PFKP: variants seen among roughly 807,000 people sequenced by gnomAD.
The protein encoded by PFKP is phosphofructokinase, platelet, also known as ATP-dependent 6-phosphofructokinase, platelet type.
A neutral mutation model predicts 94.3 loss-of-function variants in PFKP; 101 were observed. The ratio of observed to expected loss-of-function variants is 1.07; its 90% CI spans 0.91 to 1.26. The LOEUF (loss-of-function observed/expected upper bound fraction) is 1.26. Among genes scored for constraint, PFKP ranks in the 50% most tolerant of loss-of-function variants. The pLI is 0.00. For missense variants in PFKP, 1,145 were observed against 1,103.3 expected (o/e 1.04, Z -0.53); for synonymous variants, 573 against 432.6 (o/e 1.32, Z -4.03).
intron 2 of PFKP, among the ~76,000 whole-genome samples, chr10:3,094,654 T>C (rs1320492941): frequency 6.6e-6 from 1 of 152,186 alleles, no homozygotes; most frequent in African/African-American, 2.4e-5. Flanking sequence ...TCCTGGCCTT[T>C]GAAAACCATT....
chr10:3,088,659 T>C (rs1276183895), intron 2 of PFKP, among the ~76,000 whole-genome samples: 1 of 152,238 alleles, frequency 6.6e-6, no homozygotes, highest in Non-Finnish European at 1.5e-5. Context: ...TTAATTATTA[T>C]GGATACATAA....
intron 3 of PFKP, 103 bp downstream of exon 3, chr10:3,099,455 T>C: frequency 1.1e-6 from 1 of 885,244 alleles, no homozygotes; most frequent in Non-Finnish European, 1.9e-6. Context: ...GAAATAGAGA[T>C]TATGTGGACA....
chr10:3,108,670 T>A (rs1449300969), intron 8 of PFKP, 31 bp from the exon 9 acceptor site: 2 of 1,562,622 alleles, frequency 1.3e-6, no homozygotes, highest in East Asian at 4.5e-5. Flanking sequence ...CGCATCACAG[T>A]TCCGCATCCT....
intron 2 of PFKP, among the ~76,000 whole-genome samples, chr10:3,092,873 G>A (rs978277675): frequency 6.6e-6 from 1 of 152,148 alleles, no homozygotes; most frequent in South Asian, 2.1e-4. Context: ...CTGAGGAAAG[G>A]GGTGTGGGGG....
chr10:3,102,607 T>A (rs1180785353), intron 4 of PFKP, among the ~76,000 whole-genome samples: 1 of 152,180 alleles, frequency 6.6e-6, no homozygotes, highest in African/African-American at 2.4e-5. Context: ...TTATTTTTTA[T>A]TTTTAGTAGA....
Position 3,112,847 on chromosome 10 carries a change from C to A in PFKP, c.1155-272C>A, listed in dbSNP as rs144254875. On this transcript the variant is annotated intron_variant, in intron 11 of 21. Transcript: ENST00000381125. ...CCTCCCAAAGTGCTGGGATTACAGG[C>A]TTGAGCCACCGCACGCATGTCTTGC... Among the ~76,000 whole-genome samples, 1,077 of 152,376 alleles carry A rather than the reference C, an allele frequency of 7.1e-3. 13 individuals carry two copies. Among genetic ancestry groups the A allele is most frequent in the African/African-American group, 0.025 (1,020 of 41,586 alleles).
intron 13 of PFKP, among the ~76,000 whole-genome samples, chr10:3,113,987 TCA>T (rs1836532299): frequency 6.6e-6 from 1 of 152,118 alleles, no homozygotes; most frequent in Non-Finnish European, 1.5e-5. Context: ...CATTTAAGCC[TCA>T]CACTAAATCT....
In PFKP at chr10:3,082,370, C is replaced by G. The variant is rs780256384; in HGVS notation, c.113-18C>G. Reference sequence around the variant, plus strand: ...ACCCCGGGCTCTTCAGTGACTCTTGCTCCTGTTTCCACTGCAGGTATGAAC... The same window carrying G: ...ACCCCGGGCTCTTCAGTGACTCTTGGTCCTGTTTCCACTGCAGGTATGAAC... On this transcript the variant is annotated intron_variant, in intron 1 of 21. Transcript: ENST00000381125. The G allele has an allele frequency of 3.8e-6, 6 of 1,597,612 alleles. No homozygotes were observed. Among genetic ancestry groups the G allele is most frequent in the Non-Finnish European group, 5.1e-6 (6 of 1,168,728 alleles).
intron 2 of PFKP, among the ~76,000 whole-genome samples, chr10:3,086,291 C>T (rs1833592623): frequency 6.6e-6 from 1 of 152,182 alleles, no homozygotes; most frequent in African/African-American, 2.4e-5. Context: ...TGAACACTCA[C>T]AGGGACTCTG....
At chr10:3,100,704 A>C (rs1250632977) in intron 3 of PFKP, among the ~76,000 whole-genome samples, 5 of 152,118 alleles carry the variant, frequency 3.3e-5, no homozygotes, top group East Asian at 1.9e-4. Context: ...TCATGGTTTT[A>C]TTTAAAGAAA....
chr10:3,110,970 ATG>A (rs969006849), intron 10 of PFKP, among the ~76,000 whole-genome samples: 6 of 150,604 alleles, frequency 4.0e-5, no homozygotes, highest in African/African-American at 7.4e-5. Context: ...GTGTGTGTGC[ATG>A]TGTGTATATG....
intron 1 of PFKP, among the ~76,000 whole-genome samples, chr10:3,074,006 C>CT (rs1564258297): frequency 6.6e-6 from 1 of 152,066 alleles, no homozygotes. Context: ...CTCACCTGAT[C>CT]TTTTTTGTAT....
At chr10:3,078,966 C>A (rs976215257) in intron 1 of PFKP, among the ~76,000 whole-genome samples, 8 of 152,162 alleles carry the variant, frequency 5.3e-5, no homozygotes, top group African/African-American at 9.7e-5. Flanking sequence ...AAGTGTGGTG[C>A]CCCCATCACC....
At position 3,129,779 on chromosome 10, in the gene PFKP, G is replaced by A. The variant is rs369320830; in HGVS notation, c.1684-40G>A. 3.1e-5 allele frequency: 50 copies of A among 1,607,492 alleles called. 1 individual carries two copies. The highest frequency in any genetic ancestry group is 2.7e-4 in the Admixed American group (16 of 59,634). Reference sequence around the variant, plus strand: ...AGCTCTGGGATGGTGGGCGCGCCCCGGGCCTGGGCTGGAGTGACTGATCGC... The same window carrying A: ...AGCTCTGGGATGGTGGGCGCGCCCCAGGCCTGGGCTGGAGTGACTGATCGC... On this transcript the variant is annotated intron_variant, in intron 16 of 21. Coordinates refer to ENST00000381125, the MANE Select transcript of PFKP (RefSeq NM_002627.5).
Position 3,102,935 on chromosome 10 carries a change from G to A in PFKP, c.455-844G>A, listed in dbSNP as rs555598960. Among the ~76,000 whole-genome samples the A allele has an allele frequency of 2.3e-3, 343 of 152,294 alleles. 4 individuals carry two copies. Among genetic ancestry groups the A allele is most frequent in the African/African-American group, 7.7e-3 (320 of 41,564 alleles). On this transcript the variant is annotated intron_variant, in intron 4 of 21. Transcript: ENST00000381125. Reference sequence around the variant, plus strand: ...GCACAGCACAGTGAGTGCACAGACCGGGACAGTGGCCACAAGTCCGGGCCC... The same window carrying A: ...GCACAGCACAGTGAGTGCACAGACCAGGACAGTGGCCACAAGTCCGGGCCC...
rs1479427709 is a variant in PFKP at position 3,136,736 on chromosome 10, G to A, written c.*157G>A. 1.5e-5 allele frequency: 10 copies of A among 658,960 alleles called. No homozygotes were observed. The highest frequency in any genetic ancestry group is 2.6e-5 in the Non-Finnish European group (10 of 389,132). The allele number at this position is 658,960 out of a possible 1,614,324, so 40.8% of individuals were successfully genotyped here. ...CCTGCTCCAGTGCGTGCTGTCTGTG[G>A]AGTGTGTCTCATGCTTTCAGATGTG... is the stretch of plus-strand genomic sequence containing the variant. On this transcript the variant is annotated 3_prime_UTR_variant, in exon 22 of 22. Coordinates refer to ENST00000381125, the MANE Select transcript of PFKP (RefSeq NM_002627.5).
intron 16 of PFKP, among the ~76,000 whole-genome samples, chr10:3,126,451 T>C (rs1352285468): frequency 6.6e-6 from 1 of 152,230 alleles, no homozygotes; most frequent in Non-Finnish European, 1.5e-5. Flanking sequence ...TAGCACCTTG[T>C]AGATGTCCAT....
chr10:3,113,048 T>A, intron 11 of PFKP, 71 bp from the exon 12 acceptor site: 2 of 1,421,996 alleles, frequency 1.4e-6, no homozygotes, highest in Non-Finnish European at 1.9e-6. Flanking sequence ...ATAAGCCACC[T>A]TTTCTCCACA....
At chr10:3,089,610 A>C (rs10458792) in intron 2 of PFKP, among the ~76,000 whole-genome samples, 21,409 of 147,026 alleles carry the variant, frequency 0.15, 1,905 homozygotes, top group East Asian at 0.39. Context: ...CTCCAATTTT[A>C]CTCTTTTAGT....
Sources: gnomAD v4.1 joint callset for allele counts (sites outside exome capture counted in the v4.1 genomes callset) on GRCh38, gnomAD v4.1.1 for gene constraint, MANE v1.5 for transcripts, NCBI Gene and HGNC (gene_info 2026-07-23, HGNC 2026-07-21) for gene names.